Variants in SLMAP observed in about 807,000 individuals in gnomAD.
SLMAP encodes the protein sarcolemmal membrane-associated protein.
SLMAP carries 44 observed loss-of-function variants against 128.8 expected under a neutral mutation model. The observed-to-expected ratio is 0.34, with a 90% confidence interval of 0.27 to 0.44. The LOEUF (loss-of-function observed/expected upper bound fraction) is 0.44, where lower values mean the gene tolerates loss of function less well. Among genes scored for constraint, SLMAP ranks in the 20% least tolerant of loss-of-function variants. The pLI is 1.00. For missense variants in SLMAP, 787 were observed against 985.3 expected (o/e 0.80, Z 2.69); for synonymous variants, 327 against 348.8 (o/e 0.94, Z 0.70).
chr3:57,816,035 A>G (rs554541628), intron 2 of SLMAP, among the ~76,000 whole-genome samples: 2 of 152,328 alleles, frequency 1.3e-5, no homozygotes, highest in African/African-American at 4.8e-5. Context: ...CTTGATTTAA[A>G]TATAGGTAAA....
intron 4 of SLMAP, among the ~76,000 whole-genome samples, chr3:57,843,018 A>T (rs2094014266): frequency 6.6e-6 from 1 of 152,194 alleles, no homozygotes; most frequent in Non-Finnish European, 1.5e-5. Context: ...ATTAAACAAG[A>T]TTTAGTACTT....
At chr3:57,877,534 C>CT (rs569866138) in intron 14 of SLMAP, among the ~76,000 whole-genome samples, 96 of 152,322 alleles carry the variant, frequency 6.3e-4, no homozygotes, top group African/African-American at 2.2e-3. Flanking sequence ...TAGGAAAACT[C>CT]TGAGTGTCAG....
chr3:57,835,121 C>CA lies in SLMAP; in HGVS notation c.346+3619dup, dbSNP rs60166193. ...TGAGCAACAGAGCCAGACCCTGTCT[C>CA]AAAAAAAAAAAAAAAAAAAAAAAAA... On this transcript the variant is annotated intron_variant, in intron 3 of 24. Transcript: ENST00000671191. 3.1e-3 allele frequency among the ~76,000 whole-genome samples: 117 copies of CA among 37,660 alleles called. 4 individuals are homozygous for CA. Among genetic ancestry groups the CA allele is most frequent in the South Asian group, 4.9e-3 (4 of 812 alleles). The allele number at this position is 37,660 out of a possible 152,430, so 24.7% of individuals were successfully genotyped here.
intron 17 of SLMAP, chr3:57,901,031 A>G (rs903575331): frequency 3.3e-5 from 5 of 152,200 alleles, no homozygotes; most frequent in Non-Finnish European, 1.5e-5. Context: ...AAATTTAACG[A>G]AATCACCTCA....
intron 3 of SLMAP, 41 bp from the exon 4 acceptor site, chr3:57,841,258 A>C (rs2153563570): frequency 8.1e-7 from 1 of 1,235,156 alleles, no homozygotes; most frequent in Non-Finnish European, 1.2e-6. Context: ...TTATATTTTT[A>C]AACAATTATT....
intron 3 of SLMAP, 94 bp from the exon 4 acceptor site, chr3:57,841,205 C>T (rs770173691): frequency 1.2e-4 from 80 of 669,100 alleles, no homozygotes; most frequent in Middle Eastern, 5.4e-4. Flanking sequence ...GAAATTGTTA[C>T]TTTTAAGAAT....
chr3:57,841,410 T>C, intron 4 of SLMAP, 39 bp downstream of exon 4: 2 of 1,220,464 alleles, frequency 1.6e-6, no homozygotes, highest in South Asian at 2.6e-5. Flanking sequence ...TTGTGAAGTT[T>C]AGTACTGTAA....
intron 13 of SLMAP, among the ~76,000 whole-genome samples, chr3:57,865,895 T>C (rs902305686): frequency 1.3e-5 from 2 of 152,194 alleles, no homozygotes; most frequent in African/African-American, 4.8e-5. Context: ...GTGACCTCTA[T>C]TATCCTTCAG....
intron 2 of SLMAP, among the ~76,000 whole-genome samples, chr3:57,777,898 A>T (rs1474918447): frequency 6.6e-6 from 1 of 152,230 alleles, no homozygotes; most frequent in African/African-American, 2.4e-5. Flanking sequence ...CAACTCTCAT[A>T]CTTTGTTGTT....
At position 57,908,035 on chromosome 3, in the gene SLMAP, G is replaced by A. The variant is rs770662214; in HGVS notation, c.1624+29G>A. 183 of 1,610,118 alleles carry A rather than the reference G, an allele frequency of 1.1e-4. No homozygotes were observed. The East Asian group carries it at 2.5e-3, about 22-fold the overall frequency. Reference sequence around the variant, plus strand: ...AGATCAAGATTACTTTGGTTCTTTAGGGATGTGTGGAGGCAGCACAATATA... The same window carrying A: ...AGATCAAGATTACTTTGGTTCTTTAAGGATGTGTGGAGGCAGCACAATATA... On this transcript the variant is annotated intron_variant, in intron 18 of 24. Coordinates refer to ENST00000671191, the MANE Select transcript of SLMAP (RefSeq NM_001377540.1).
intron 3 of SLMAP, among the ~76,000 whole-genome samples, chr3:57,839,138 A>G (rs1215214420): frequency 6.6e-6 from 1 of 151,746 alleles, no homozygotes; most frequent in African/African-American, 2.4e-5. Context: ...TTTTTTGTAG[A>G]GAGTGGGTCT....
intron 6 of SLMAP, among the ~76,000 whole-genome samples, chr3:57,854,984 C>G (rs2094700321): frequency 6.6e-6 from 1 of 152,150 alleles, no homozygotes. Context: ...AGGCTACAAA[C>G]CCATACAGCA....
intron 22 of SLMAP, 35 bp from the exon 23 acceptor site, chr3:57,922,854 T>G: frequency 6.3e-7 from 1 of 1,599,158 alleles, no homozygotes; most frequent in Non-Finnish European, 8.5e-7. Context: ...CCATTTTAAG[T>G]TGTATCTGCA....
At chr3:57,769,215 T>C (rs1034292707) in intron 2 of SLMAP, among the ~76,000 whole-genome samples, 3 of 152,174 alleles carry the variant, frequency 2.0e-5, no homozygotes, top group African/African-American at 7.2e-5. Flanking sequence ...TTTTTTGAGA[T>C]GGAGTCTTGC....
intron 2 of SLMAP, among the ~76,000 whole-genome samples, chr3:57,767,307 A>G (rs573882078): frequency 6.6e-6 from 1 of 152,344 alleles, no homozygotes; most frequent in Admixed American, 6.5e-5. Flanking sequence ...TCTTGAGAGC[A>G]AGAGAATAGG....
chr3:57,827,299 A>T (rs760139991), intron 2 of SLMAP, among the ~76,000 whole-genome samples: 2 of 152,250 alleles, frequency 1.3e-5, no homozygotes, highest in African/African-American at 2.4e-5. Flanking sequence ...ATATTTACAG[A>T]TTGTAGCAAA....
At chr3:57,878,416 G>A (rs1253945505) in intron 14 of SLMAP, among the ~76,000 whole-genome samples, 2 of 152,098 alleles carry the variant, frequency 1.3e-5, no homozygotes, top group Non-Finnish European at 2.9e-5. Flanking sequence ...TCTAATCTCA[G>A]TTTCTTCATC....
chr3:57,844,711 C>CTTT (rs35011644), intron 4 of SLMAP, among the ~76,000 whole-genome samples: 3 of 92,262 alleles, frequency 3.3e-5, no homozygotes, highest in Non-Finnish European at 6.2e-5. Flanking sequence ...TCTATTTAGA[C>CTTT]TTTTTTTTTT....
intron 6 of SLMAP, among the ~76,000 whole-genome samples, chr3:57,856,866 C>T (rs1337867874): frequency 1.3e-5 from 2 of 152,062 alleles, no homozygotes; most frequent in Non-Finnish European, 2.9e-5. Context: ...AGTAATGCCC[C>T]CTTGTGTTAC....
Sources: allele counts gnomAD v4.1 joint callset (sites outside exome capture counted in the v4.1 genomes callset), GRCh38; gene constraint gnomAD v4.1.1; transcripts MANE v1.5; gene names NCBI Gene and HGNC (gene_info 2026-07-23, HGNC 2026-07-21).